The following DENND1B variants were observed in gnomAD, a reference collection of about 807,000 sequenced individuals.
DENND1B encodes the protein DENN domain-containing protein 1B.
In DENND1B, 59 loss-of-function variants were observed where a neutral mutation model predicts 90.1. The observed-to-expected ratio is 0.65, with a 90% CI of 0.53 to 0.81. DENND1B has a LOEUF of 0.81. DENND1B is among the 40% of genes least tolerant of loss of function. The probability of loss-of-function intolerance (pLI) is 0.00; values close to 1 mark genes in which losing one functional copy is unlikely to be tolerated. For synonymous variants in DENND1B, 337 were observed against 324.6 expected (o/e 1.04, Z -0.41); for missense variants, 862 against 912.6 (o/e 0.94, Z 0.71).
intron 5 of DENND1B, among the ~76,000 whole-genome samples, chr1:197,661,566 T>C (rs1654410306): frequency 6.6e-6 from 1 of 152,114 alleles, no homozygotes; most frequent in African/African-American, 2.4e-5. Flanking sequence ...CAAAATGTAT[T>C]GATTGTAGGT....
At position 197,598,224 on chromosome 1, in the gene DENND1B, C is replaced by G. The variant is rs138845218; in HGVS notation, c.922-2891G>C. ...TACATAAAAATAATTTTTCCTTGAC[C>G]TACTCTAGTGGGCTTCAATTGTCAG... On this transcript the variant is annotated intron_variant, in intron 13 of 22. Transcript: ENST00000620048. Among the ~76,000 whole-genome samples the G allele has an allele frequency of 1.4e-4, 21 of 151,822 alleles. No individual in the cohort carries two copies. The East Asian group carries it at 4.1e-3, about 29-fold the overall frequency.
chr1:197,670,349 A>G (rs1200280131), intron 5 of DENND1B, among the ~76,000 whole-genome samples: 1 of 112,774 alleles, frequency 8.9e-6, no homozygotes, highest in Non-Finnish European at 1.9e-5. Flanking sequence ...AGAGGCAGTG[A>G]GGTAAGCTAT....
At chr1:197,615,272 T>C (rs754906537) in intron 11 of DENND1B, among the ~76,000 whole-genome samples, 2 of 151,250 alleles carry the variant, frequency 1.3e-5, no homozygotes, top group Non-Finnish European at 3.0e-5. Flanking sequence ...AAGTGTTTAA[T>C]GAACAAGTGA....
intron 10 of DENND1B, among the ~76,000 whole-genome samples, chr1:197,631,567 T>A (rs944783584): frequency 4.6e-5 from 7 of 151,966 alleles, no homozygotes; most frequent in Admixed American, 2.6e-4. Context: ...AATCATAATT[T>A]AAAATATCTT....
rs1340269040 is a variant in DENND1B, at chr1:197,684,401, T to C, written c.127-10232A>G. On this transcript the variant is annotated intron_variant, in intron 3 of 22. Transcript: ENST00000620048. ...CCCTATGTATTTTTTTACATTGTTT[T>C]CATCGAGATTGCAATCGATAATCAG... Among the ~76,000 whole-genome samples, 5 of 152,232 alleles carry C rather than the reference T, an allele frequency of 3.3e-5. No homozygotes were observed. The South Asian group carries it at 1.0e-3, about 31-fold the overall frequency.
chr1:197,592,343 T>C (rs1291730145), intron 14 of DENND1B, among the ~76,000 whole-genome samples: 1 of 152,064 alleles, frequency 6.6e-6, no homozygotes, highest in Non-Finnish European at 1.5e-5. Context: ...AGAACACTTA[T>C]CTAAAGGGCC....
chr1:197,566,482 C>T (rs1248447124), intron 15 of DENND1B, among the ~76,000 whole-genome samples: 6 of 151,958 alleles, frequency 3.9e-5, no homozygotes, highest in Non-Finnish European at 8.8e-5. Context: ...AGAAATAATG[C>T]CGCATATCTA....
chr1:197,618,842 T>G (rs541500792), intron 10 of DENND1B, among the ~76,000 whole-genome samples: 11 of 151,080 alleles, frequency 7.3e-5, no homozygotes, highest in Non-Finnish European at 1.3e-4. Context: ...TACAAAGATA[T>G]TTAAAGAAAC....
intron 20 of DENND1B, among the ~76,000 whole-genome samples, chr1:197,537,706 TA>T (rs1378215092): frequency 6.6e-6 from 1 of 151,948 alleles, no homozygotes; most frequent in Non-Finnish European, 1.5e-5. Flanking sequence ...CTCTAGAAGT[TA>T]ACAGAAAACA....
chr1:197,735,520 T>G, intron 2 of DENND1B: 5 of 1,608,712 alleles, frequency 3.1e-6, no homozygotes, highest in Non-Finnish European at 4.2e-6. Context: ...TTTACTTTAG[T>G]GTGAACTATG....
intron 20 of DENND1B, among the ~76,000 whole-genome samples, chr1:197,513,521 C>CT (rs1332468703): frequency 1.6e-4 from 2 of 12,684 alleles, no homozygotes; most frequent in Non-Finnish European, 3.8e-3. Context: ...ACTGCTGAAT[C>CT]TGGGGGGTCA....
At chr1:197,641,221 C>T (rs1295935636) in intron 10 of DENND1B, among the ~76,000 whole-genome samples, 4 of 151,992 alleles carry the variant, frequency 2.6e-5, no homozygotes, top group African/African-American at 4.8e-5. Flanking sequence ...GCCTATTATA[C>T]AATCTTTTTA....
At chr1:197,546,057 T>C in intron 17 of DENND1B, 67 bp from the exon 18 acceptor site, 1 of 1,316,012 alleles carries the variant, frequency 7.6e-7, no homozygotes, top group Non-Finnish European at 1.1e-6. Flanking sequence ...AACAAAGTAT[T>C]ACAGTAAGTT....
At chr1:197,673,183 A>T (rs1252601864) in intron 4 of DENND1B, among the ~76,000 whole-genome samples, 3 of 152,052 alleles carry the variant, frequency 2.0e-5, no homozygotes, top group African/African-American at 7.2e-5. Flanking sequence ...TCTAGTGACA[A>T]ATGTGACCTC....
At chr1:197,570,872 T>C (rs1259584536) in intron 15 of DENND1B, among the ~76,000 whole-genome samples, 2 of 152,188 alleles carry the variant, frequency 1.3e-5, no homozygotes, top group African/African-American at 4.8e-5. Context: ...CAAGGTCCTA[T>C]GCAAGAAACT....
intron 15 of DENND1B, among the ~76,000 whole-genome samples, chr1:197,571,205 A>G (rs965251487): frequency 1.3e-5 from 2 of 150,426 alleles, no homozygotes; most frequent in African/African-American, 4.8e-5. Context: ...TTCACATGGT[A>G]ATCTGGGCAA....
intron 5 of DENND1B, among the ~76,000 whole-genome samples, chr1:197,662,153 C>T (rs1654467750): frequency 6.6e-6 from 1 of 151,962 alleles, no homozygotes; most frequent in African/African-American, 2.4e-5. Flanking sequence ...AAGCTTTACC[C>T]TTATGGGATA....
intron 20 of DENND1B, among the ~76,000 whole-genome samples, chr1:197,535,193 G>A (rs1234991260): frequency 6.6e-6 from 1 of 152,120 alleles, no homozygotes; most frequent in African/African-American, 2.4e-5. Flanking sequence ...ATTAGGGTAG[G>A]CTGACCTTAA....
intron 14 of DENND1B, among the ~76,000 whole-genome samples, chr1:197,587,360 A>G (rs1674793069): frequency 6.6e-6 from 1 of 152,226 alleles, no homozygotes; most frequent in Non-Finnish European, 1.5e-5. Context: ...GACATGAGAG[A>G]AAAACAACTG....
Sources: gnomAD v4.1 joint callset for allele counts (sites outside exome capture counted in the v4.1 genomes callset) on GRCh38, gnomAD v4.1.1 for gene constraint, MANE v1.5 for transcripts, NCBI Gene and HGNC (gene_info 2026-07-23, HGNC 2026-07-21) for gene names.